The following ZDHHC15 variants were observed in gnomAD, a reference collection of about 807,000 sequenced individuals.
ZDHHC15 encodes the protein palmitoyltransferase ZDHHC15.
In ZDHHC15, 19 loss-of-function variants were observed where a neutral mutation model predicts 31.7. That is an observed-to-expected ratio of 0.60 (90% CI 0.42 to 0.88). The LOEUF (loss-of-function observed/expected upper bound fraction) is 0.88, where lower values mean the gene tolerates loss of function less well. ZDHHC15 is among the 40% of genes least tolerant of loss of function. The probability of loss-of-function intolerance (pLI) is 0.00; values close to 1 mark genes in which losing one functional copy is unlikely to be tolerated. For missense variants in ZDHHC15, 209 were observed against 251.2 expected (o/e 0.83, Z 1.14); for synonymous variants, 103 against 90.0 (o/e 1.14, Z -0.82).
chrX:75,493,907 AAC>A (rs1170705600), intron 2 of ZDHHC15, among the ~76,000 whole-genome samples: 1 of 111,753 alleles, frequency 8.9e-6, no homozygotes, highest in Non-Finnish European at 1.9e-5. Context: ...ACTCCTATTC[AAC>A]ACAGTGTTGG....
chrX:75,444,941 C>T (rs1344688788), intron 4 of ZDHHC15, among the ~76,000 whole-genome samples: 1 of 107,965 alleles, frequency 9.3e-6, no homozygotes, highest in Non-Finnish European at 1.9e-5. Flanking sequence ...GGAACTTACA[C>T]TATTGGCTCT....
At chrX:75,488,793 G>A (rs938185864) in intron 2 of ZDHHC15, among the ~76,000 whole-genome samples, 35 of 111,993 alleles carry the variant, frequency 3.1e-4, no homozygotes, top group Non-Finnish European at 6.4e-4. Flanking sequence ...GAAGCAGGGC[G>A]AGGCATTGCC....
intron 4 of ZDHHC15, 182 bp downstream of exon 4, chrX:75,450,620 T>C (rs1052530802): frequency 1.6e-5 from 15 of 964,769 alleles, no homozygotes; most frequent in Admixed American, 3.0e-5. Flanking sequence ...TTGTTTACTA[T>C]ACAATTCTTC....
At chrX:75,471,562 C>T (rs1282790805) in intron 3 of ZDHHC15, among the ~76,000 whole-genome samples, 1 of 112,340 alleles carries the variant, frequency 8.9e-6, no homozygotes, top group Non-Finnish European at 1.9e-5. Flanking sequence ...GCCCCTCCTA[C>T]AACCAAGAAA....
intron 2 of ZDHHC15, among the ~76,000 whole-genome samples, chrX:75,488,079 A>G (rs1217809389): frequency 8.9e-6 from 1 of 112,462 alleles, no homozygotes. Context: ...AAAAAAATCT[A>G]AAAGTTCGGA....
chrX:75,411,065 G>C (rs1256797661), intron 10 of ZDHHC15, among the ~76,000 whole-genome samples: 1 of 111,823 alleles, frequency 8.9e-6, no homozygotes, highest in Non-Finnish European at 1.9e-5. Flanking sequence ...AGAGTAGATT[G>C]GTTGTTACCA....
At chrX:75,389,848 CTT>C (rs746487374) in intron 10 of ZDHHC15, among the ~76,000 whole-genome samples, 1 of 111,979 alleles carries the variant, frequency 8.9e-6, no homozygotes, top group Non-Finnish European at 1.9e-5. Flanking sequence ...ATAAAGGAGA[CTT>C]TGACTTGCAG....
At chrX:75,407,370 C>T (rs945791570) in intron 10 of ZDHHC15, among the ~76,000 whole-genome samples, 8 of 111,123 alleles carry the variant, frequency 7.2e-5, no homozygotes, top group African/African-American at 2.6e-4. Flanking sequence ...GTGTCTCCAC[C>T]TGGCAGCCGC....
intron 9 of ZDHHC15, among the ~76,000 whole-genome samples, chrX:75,419,857 C>A (rs868447970): frequency 2.9e-5 from 3 of 102,293 alleles, no homozygotes; most frequent in Middle Eastern, 5.2e-3. Context: ...GGACAAAAAA[C>A]CAAATACCGC....
rs1327231877 is a variant in ZDHHC15, at chrX:75,372,938, G to C, written c.*40C>G. The C allele has an allele frequency of 1.8e-5, 2 of 111,831 alleles. No individual in the cohort carries two copies. The highest frequency in any genetic ancestry group is 3.8e-5 in the Non-Finnish European group (2 of 53,135). 9.2% of individuals were successfully genotyped at this position (111,831 alleles called of 1,213,427 possible). A position where few individuals can be genotyped will look rare whatever the true frequency, so the allele number is the denominator to read the frequency against. The stretch of plus-strand genomic sequence containing the variant: ...TGTAAGCCTCATGGGAGGCAGAGAT[G>C]GTGAGTCCTGGGAATGAAGAGAAGA... On this transcript the variant is annotated 3_prime_UTR_variant, in exon 12 of 12. Coordinates refer to ENST00000373367, the MANE Select transcript of ZDHHC15 (RefSeq NM_144969.3).
Position 75,421,735 on chromosome X carries a change from G to A in ZDHHC15, c.863+129C>T, listed in dbSNP as rs2083644523. ...CTCTTTATTTGCCTTTATTAACCTA[G>A]AAATGAAGAACTTGGGGAATAGAGT... On this transcript the variant is annotated intron_variant, in intron 9 of 11. Coordinates refer to ENST00000373367, the MANE Select transcript of ZDHHC15 (RefSeq NM_144969.3). 9 of 692,298 alleles carry A rather than the reference G, an allele frequency of 1.3e-5. No homozygotes were observed. The South Asian group carries it at 4.1e-4, about 32-fold the overall frequency. 57.1% of individuals were successfully genotyped at this position (692,298 alleles called of 1,213,427 possible).
chrX:75,400,052 A>T (rs140109527), intron 10 of ZDHHC15, among the ~76,000 whole-genome samples: 4 of 111,778 alleles, frequency 3.6e-5, no homozygotes, highest in African/African-American at 1.3e-4. Flanking sequence ...GAACTCTGGT[A>T]ACTCAAATGG....
chrX:75,507,054 G>C (rs1043874494), intron 1 of ZDHHC15, among the ~76,000 whole-genome samples: 10 of 111,349 alleles, frequency 9.0e-5, no homozygotes, highest in Non-Finnish European at 1.9e-4. Flanking sequence ...GTGGGGAACA[G>C]CTATCTGTAA....
chrX:75,449,076 C>T (rs2084072605), intron 4 of ZDHHC15, among the ~76,000 whole-genome samples: 1 of 110,126 alleles, frequency 9.1e-6, no homozygotes, highest in Non-Finnish European at 1.9e-5. Context: ...GTTCTCAAAC[C>T]GTTTAACTCA....
chrX:75,423,536 T>C (rs1372970108), intron 8 of ZDHHC15, among the ~76,000 whole-genome samples: 2 of 103,999 alleles, frequency 1.9e-5, no homozygotes, highest in East Asian at 3.0e-4. Flanking sequence ...TCGTTCTTTG[T>C]TATGGCTGCG....
chrX:75,501,803 C>A (rs1458631794), intron 2 of ZDHHC15: 1 of 111,146 alleles, frequency 9.0e-6, no homozygotes, highest in East Asian at 2.8e-4. Flanking sequence ...ATTTGATGTT[C>A]TCTTATAAAT....
At chrX:75,433,180 CT>C (rs1233653177) in intron 4 of ZDHHC15, among the ~76,000 whole-genome samples, 2 of 112,053 alleles carry the variant, frequency 1.8e-5, no homozygotes, top group African/African-American at 6.5e-5. Flanking sequence ...CCTATCTGCT[CT>C]TGTAATCAAG....
At chrX:75,488,836 C>A (rs941806670) in intron 2 of ZDHHC15, among the ~76,000 whole-genome samples, 11 of 112,224 alleles carry the variant, frequency 9.8e-5, no homozygotes, top group Non-Finnish European at 1.9e-4. Flanking sequence ...CAGGGACTTC[C>A]GTTTCCTAGC....
chrX:75,493,596 G>A (rs1164345550), intron 2 of ZDHHC15, among the ~76,000 whole-genome samples: 2 of 111,769 alleles, frequency 1.8e-5, no homozygotes, highest in South Asian at 3.8e-4. Context: ...GATCAAGTGG[G>A]CTTCATCCCT....
Sources: gnomAD v4.1 joint callset for allele counts (sites outside exome capture counted in the v4.1 genomes callset) on GRCh38, gnomAD v4.1.1 for gene constraint, MANE v1.5 for transcripts, NCBI Gene and HGNC (gene_info 2026-07-23, HGNC 2026-07-21) for gene names.